Variants in MTNR1A observed in about 807,000 individuals in gnomAD.
The protein encoded by MTNR1A is melatonin receptor 1A.
A neutral mutation model predicts 5.5 loss-of-function variants in MTNR1A; 7 were observed. The observed-to-expected ratio is 1.28, with a 90% CI of 0.73 to 2.40. The LOEUF (loss-of-function observed/expected upper bound fraction) is 2.40. Ranked by LOEUF, MTNR1A falls within the 30% of genes most tolerant of loss-of-function variation. MTNR1A has a pLI of 0.00. For synonymous variants in MTNR1A, 196 were observed against 202.7 expected (o/e 0.97, Z 0.28); for missense variants, 441 against 464.4 (o/e 0.95, Z 0.46).
chr4:186,543,321 GC>G (rs1278031913), intron 1 of MTNR1A, among the ~76,000 whole-genome samples: 1 of 152,200 alleles, frequency 6.6e-6, no homozygotes, highest in Non-Finnish European at 1.5e-5. Flanking sequence ...TGGGATTGAA[GC>G]CAATGGGAAA....
chr4:186,544,758 GCCTGGGCT>G (rs1461711122), intron 1 of MTNR1A, among the ~76,000 whole-genome samples: 1 of 152,162 alleles, frequency 6.6e-6, no homozygotes, highest in Non-Finnish European at 1.5e-5. Flanking sequence ...ACCACAGCAA[GCCTGGGCT>G]CCAGGCGGCT....
intron 1 of MTNR1A, among the ~76,000 whole-genome samples, chr4:186,547,216 A>T (rs1579254041): frequency 1.6e-5 from 1 of 62,670 alleles, no homozygotes; most frequent in Non-Finnish European, 3.0e-5. Flanking sequence ...CACACCGTCC[A>T]CACCACACCC....
chr4:186,538,559 C>T (rs1736930133), intron 1 of MTNR1A, among the ~76,000 whole-genome samples: 1 of 152,194 alleles, frequency 6.6e-6, no homozygotes, highest in Non-Finnish European at 1.5e-5. Flanking sequence ...TCCTCCAGAG[C>T]TCCAGTCCCT....
At chr4:186,538,348 A>T (rs915067323) in intron 1 of MTNR1A, among the ~76,000 whole-genome samples, 1 of 152,188 alleles carries the variant, frequency 6.6e-6, no homozygotes, top group Non-Finnish European at 1.5e-5. Flanking sequence ...TCCCCACAAG[A>T]GGCAATTGCG....
chr4:186,536,529 G>A (rs948405942), intron 1 of MTNR1A, among the ~76,000 whole-genome samples: 2 of 152,016 alleles, frequency 1.3e-5, no homozygotes, highest in Middle Eastern at 3.2e-3. Flanking sequence ...GCTTCCCTGC[G>A]TCTCCAGATG....
chr4:186,537,510 T>G (rs1228894550), intron 1 of MTNR1A, among the ~76,000 whole-genome samples: 4 of 152,228 alleles, frequency 2.6e-5, no homozygotes, highest in African/African-American at 9.6e-5. Flanking sequence ...GGGTAAGAAT[T>G]TCTTCTCTGT....
intron 1 of MTNR1A, among the ~76,000 whole-genome samples, chr4:186,551,617 G>A (rs1737269251): frequency 6.6e-6 from 1 of 152,070 alleles, no homozygotes; most frequent in African/African-American, 2.4e-5. Context: ...TGGACGTATA[G>A]GTGGGTGGAT....
At chr4:186,554,256 G>A (rs1033135092) in intron 1 of MTNR1A, among the ~76,000 whole-genome samples, 1 of 151,982 alleles carries the variant, frequency 6.6e-6, no homozygotes, top group Admixed American at 6.6e-5. Flanking sequence ...GCAGGGCAGG[G>A]GTGAGCCTCC....
At chr4:186,552,557 T>G (rs1170841610) in intron 1 of MTNR1A, among the ~76,000 whole-genome samples, 1 of 152,236 alleles carries the variant, frequency 6.6e-6, no homozygotes, top group Non-Finnish European at 1.5e-5. Context: ...GAGCACGCCC[T>G]TGTTAGGTGT....
chr4:186,536,476 G>A (rs897629778), intron 1 of MTNR1A, among the ~76,000 whole-genome samples: 89 of 152,292 alleles, frequency 5.8e-4, no homozygotes, highest in South Asian at 2.1e-3. Flanking sequence ...CCAGGTGGAC[G>A]GACAGAAGAT....
Position 186,555,167 on chromosome 4 carries a change from C to A in MTNR1A, c.184+15G>T. The A allele has an allele frequency of 6.3e-7, 1 of 1,585,218 alleles. No homozygotes were observed. ...GTCCGGAGCGCTGGCCCAGGGGAGG[C>A]GGCGCGGGCCCTACCTGCGTTCCTG... On this transcript the variant is annotated intron_variant, in intron 1 of 1. Coordinates refer to ENST00000307161, the MANE Select transcript of MTNR1A (RefSeq NM_005958.4). The surrounding 1 kb of genome is among the most constrained non-coding windows in gnomAD (Gnocchi z 4.1).
chr4:186,537,276 C>T (rs1226615551), intron 1 of MTNR1A, among the ~76,000 whole-genome samples: 20 of 151,888 alleles, frequency 1.3e-4, no homozygotes, highest in Admixed American at 1.3e-3. Flanking sequence ...GGTGTCTGGG[C>T]GGAGAAGGAA....
At chr4:186,553,161 A>G (rs2126307998) in intron 1 of MTNR1A, among the ~76,000 whole-genome samples, 1 of 152,350 alleles carries the variant, frequency 6.6e-6, no homozygotes, top group South Asian at 2.1e-4. Flanking sequence ...CAACAAAATT[A>G]ATTTAGCTGA....
intron 1 of MTNR1A, among the ~76,000 whole-genome samples, chr4:186,536,174 C>T (rs1471417662): frequency 2.6e-5 from 4 of 151,710 alleles, no homozygotes; most frequent in Non-Finnish European, 5.9e-5. Flanking sequence ...GGTGACACCC[C>T]GTCTCTACTA....
Position 186,533,788 on chromosome 4 carries a change from C to T in MTNR1A, c.954G>A (p.Val318=), listed in dbSNP as rs1190178292. The change falls in exon 2 of 2, where the codon GTG becomes GTA. Residue 318 remains valine (V), a synonymous_variant. Coordinates refer to ENST00000307161, the MANE Select transcript of MTNR1A (RefSeq NM_005958.4). ...RIIVSLCTAR[V]FFVDSSNDVA... ...CGTCGTTAGAGCTGTCCACAAAGAA[C>T]ACCCTGGCTGTACAGAGCGAGACTA... is the stretch of plus-strand genomic sequence containing the variant. The T allele has an allele frequency of 6.2e-7, 1 of 1,614,208 alleles. No homozygotes were observed. The highest frequency in any genetic ancestry group is 8.5e-7 in the Non-Finnish European group (1 of 1,180,046).
chr4:186,535,760 T>C (rs1298174244), intron 1 of MTNR1A, among the ~76,000 whole-genome samples: 3 of 152,216 alleles, frequency 2.0e-5, no homozygotes, highest in Admixed American at 6.5e-5. Context: ...TTTTTTCTTT[T>C]GCGGCTCTTC....
intron 1 of MTNR1A, among the ~76,000 whole-genome samples, chr4:186,552,213 C>T (rs995551551): frequency 5.3e-5 from 8 of 152,206 alleles, no homozygotes; most frequent in African/African-American, 1.9e-4. Flanking sequence ...TCAACCCATA[C>T]TGCTTGCTAT....
intron 1 of MTNR1A, among the ~76,000 whole-genome samples, chr4:186,544,240 C>T (rs1052060030): frequency 7.2e-5 from 11 of 152,158 alleles, no homozygotes; most frequent in Admixed American, 5.9e-4. Context: ...AGGATAGTCT[C>T]GATCTCTTGA....
intron 1 of MTNR1A, among the ~76,000 whole-genome samples, chr4:186,544,807 G>T (rs1223518874): frequency 6.6e-6 from 1 of 152,190 alleles, no homozygotes; most frequent in Non-Finnish European, 1.5e-5. Flanking sequence ...CAGAGGTGTT[G>T]TCGTAGACGC....
Sources: gnomAD v4.1 joint callset for allele counts (sites outside exome capture counted in the v4.1 genomes callset) on GRCh38, gnomAD v4.1.1 for gene constraint, Gnocchi (gnomAD v3.1) non-coding constraint, MANE v1.5 for transcripts, NCBI Gene and HGNC (gene_info 2026-07-23, HGNC 2026-07-21) for gene names.